WWOX: variants seen among roughly 807,000 people sequenced by gnomAD.
WWOX encodes WW domain containing oxidoreductase.
WWOX carries 69 observed loss-of-function variants against 46.2 expected under a neutral mutation model. The observed-to-expected ratio is 1.49, with a 90% CI of 1.23 to 1.82. The LOEUF (loss-of-function observed/expected upper bound fraction) is 1.82. WWOX is among the 40% of genes most tolerant of loss of function. The probability of loss-of-function intolerance (pLI) is 0.00; values close to 1 mark genes in which losing one functional copy is unlikely to be tolerated. For missense variants in WWOX, 919 were observed against 542.6 expected, an observed-to-expected ratio of 1.69 and a Z score of -6.89; for synonymous variants, 359 against 202.6, an observed-to-expected ratio of 1.77 and a Z score of -6.56.
chr16:78,753,053 G>T (rs2049525722), intron 8 of WWOX, among the ~76,000 whole-genome samples: 1 of 152,184 alleles, frequency 6.6e-6, no homozygotes, highest in Admixed American at 6.5e-5. Context: ...CCAGCACTTT[G>T]GGAGGCCGAG....
At chr16:78,481,966 A>C (rs1235582965) in intron 8 of WWOX, among the ~76,000 whole-genome samples, 1 of 152,156 alleles carries the variant, frequency 6.6e-6, no homozygotes, top group Non-Finnish European at 1.5e-5. Flanking sequence ...GTTAAGGCTG[A>C]GCTGCCTAGC....
chr16:78,750,720 G>A (rs146484363), intron 8 of WWOX, among the ~76,000 whole-genome samples: 13 of 152,172 alleles, frequency 8.5e-5, no homozygotes, highest in African/African-American at 2.4e-4. Flanking sequence ...GTTGAGCTTC[G>A]ACTTGTAAGT....
At chr16:78,145,764 C>T (rs1221624797) in intron 4 of WWOX, among the ~76,000 whole-genome samples, 1 of 152,114 alleles carries the variant, frequency 6.6e-6, no homozygotes, top group Non-Finnish European at 1.5e-5. Context: ...TCCAGATTTC[C>T]CCTTTTCATA....
chr16:78,623,935 G>A (rs915833665), intron 8 of WWOX, among the ~76,000 whole-genome samples: 3 of 152,134 alleles, frequency 2.0e-5, no homozygotes, highest in Admixed American at 6.5e-5. Context: ...ATGTGGCAAA[G>A]TCTTTGCTCT....
At chr16:78,796,889 G>A (rs111736726) in intron 8 of WWOX, among the ~76,000 whole-genome samples, 3,044 of 150,378 alleles carry the variant, frequency 0.02, 86 homozygotes, top group African/African-American at 0.059. Context: ...GCAGTGGTGC[G>A]ATCTCGGCTC....
chr16:78,317,947 C>T (rs1597475838), intron 5 of WWOX, among the ~76,000 whole-genome samples: 1 of 152,156 alleles, frequency 6.6e-6, no homozygotes, highest in African/African-American at 2.4e-5. Context: ...TCTTTTTCAG[C>T]CTGGGTTTGA....
At chr16:78,444,596 C>T (rs1461227752) in intron 8 of WWOX, among the ~76,000 whole-genome samples, 3 of 147,474 alleles carry the variant, frequency 2.0e-5, no homozygotes, top group African/African-American at 5.1e-5. Context: ...GTGGGGCGAT[C>T]TCGGCTCACT....
chr16:79,032,411 T>C (rs909901352), intron 8 of WWOX, among the ~76,000 whole-genome samples: 3 of 147,168 alleles, frequency 2.0e-5, no homozygotes, highest in South Asian at 4.2e-4. Flanking sequence ...GTAGGGAATA[T>C]GTTACATATT....
rs574213230 is a variant in WWOX, at chr16:79,109,896, G to A, written c.1057-101712G>A. Among the ~76,000 whole-genome samples the A allele has an allele frequency of 1.7e-3, 265 of 152,302 alleles. 1 individual carries two copies. The highest frequency in any genetic ancestry group is 6.1e-3 in the African/African-American group (254 of 41,570). ...AAGATTTGGCATTCTGCATGTTGGG[G>A]TTGTTTAGAAACAGAAACTTTGGAG... is the stretch of plus-strand genomic sequence containing the variant. On this transcript the variant is annotated intron_variant, in intron 8 of 8. Coordinates refer to ENST00000566780, the MANE Select transcript of WWOX (RefSeq NM_016373.4).
At chr16:78,767,646 C>T (rs1459809873) in intron 8 of WWOX, among the ~76,000 whole-genome samples, 1 of 152,144 alleles carries the variant, frequency 6.6e-6, no homozygotes, top group Non-Finnish European at 1.5e-5. Flanking sequence ...AACTGCCAAA[C>T]TGTCTTCAAC....
intron 5 of WWOX, among the ~76,000 whole-genome samples, chr16:78,271,452 T>A (rs1055381550): frequency 2.0e-5 from 3 of 152,234 alleles, no homozygotes; most frequent in South Asian, 2.1e-4. Flanking sequence ...TGTTTCAGCA[T>A]TGGAATATCA....
chr16:78,305,718 A>G (rs917768644), intron 5 of WWOX, among the ~76,000 whole-genome samples: 2 of 152,164 alleles, frequency 1.3e-5, no homozygotes, highest in African/African-American at 4.8e-5. Context: ...CTTGGGTACC[A>G]CGCAGCCCAC....
At chr16:78,863,350 C>A (rs886376839) in intron 8 of WWOX, among the ~76,000 whole-genome samples, 7 of 152,196 alleles carry the variant, frequency 4.6e-5, no homozygotes, top group Admixed American at 3.3e-4. Flanking sequence ...TCTCAAAAAT[C>A]TCTAGGCCAA....
At chr16:78,547,379 C>T (rs767634122) in intron 8 of WWOX, among the ~76,000 whole-genome samples, 1 of 152,094 alleles carries the variant, frequency 6.6e-6, no homozygotes, top group African/African-American at 2.4e-5. Flanking sequence ...TATCTAAGGT[C>T]ACATAGCTCA....
chr16:79,005,873 G>A (rs112033175), intron 8 of WWOX, among the ~76,000 whole-genome samples: 4,228 of 152,258 alleles, frequency 0.028, 70 homozygotes, highest in Middle Eastern at 0.044. Flanking sequence ...GGCCAAGAGA[G>A]AAACTCAACC....
chr16:78,307,844 T>C (rs879291695), intron 5 of WWOX, among the ~76,000 whole-genome samples: 5 of 152,152 alleles, frequency 3.3e-5, no homozygotes, highest in Non-Finnish European at 7.4e-5. Context: ...TGAAAAGATA[T>C]TTACTAGATG....
At chr16:78,641,708 G>A (rs975917851) in intron 8 of WWOX, among the ~76,000 whole-genome samples, 8 of 152,164 alleles carry the variant, frequency 5.3e-5, no homozygotes, top group Admixed American at 5.2e-4. Flanking sequence ...CTAGGTTTAT[G>A]TATGGATTAA....
intron 8 of WWOX, among the ~76,000 whole-genome samples, chr16:78,933,908 A>G (rs1056307598): frequency 1.3e-5 from 2 of 152,052 alleles, no homozygotes; most frequent in African/African-American, 2.4e-5. Flanking sequence ...AAACATAACT[A>G]TAGCTGGGTG....
At chr16:78,648,237 A>G (rs2046888235) in intron 8 of WWOX, among the ~76,000 whole-genome samples, 1 of 152,172 alleles carries the variant, frequency 6.6e-6, no homozygotes, top group African/African-American at 2.4e-5. Context: ...ATATCCCTAT[A>G]CAAAGACCCA....
Sources: allele counts gnomAD v4.1 joint callset (sites outside exome capture counted in the v4.1 genomes callset), GRCh38; gene constraint gnomAD v4.1.1; transcripts MANE v1.5; gene names NCBI Gene and HGNC (gene_info 2026-07-23, HGNC 2026-07-21).